GTF3C1: variants seen among roughly 807,000 people sequenced by gnomAD.
GTF3C1 encodes the protein general transcription factor 3C polypeptide 1.
A neutral mutation model predicts 226.7 loss-of-function variants in GTF3C1; 57 were observed. That is an observed-to-expected ratio of 0.25 (90% CI 0.20 to 0.31). The LOEUF (loss-of-function observed/expected upper bound fraction) is 0.31, where lower values mean the gene tolerates loss of function less well. GTF3C1 is among the 10% of genes least tolerant of loss of function. GTF3C1 has a pLI of 1.00. For missense variants in GTF3C1, 2,217 were observed against 2,776.1 expected (o/e 0.80, Z 4.53); for synonymous variants, 1,090 against 1,084.8 (o/e 1.00, Z -0.09).
intron 6 of GTF3C1, among the ~76,000 whole-genome samples, chr16:27,520,880 A>G (rs1015886224): frequency 8.6e-5 from 13 of 151,946 alleles, no homozygotes; most frequent in Non-Finnish European, 1.6e-4. Flanking sequence ...CACCATGCCC[A>G]ACTAATTTTT....
intron 6 of GTF3C1, among the ~76,000 whole-genome samples, chr16:27,520,421 G>C (rs933571895): frequency 2.0e-5 from 3 of 151,266 alleles, no homozygotes; most frequent in Non-Finnish European, 4.4e-5. Flanking sequence ...AGCCAGCCTT[G>C]CCTGGAATGT....
At chr16:27,488,959 T>G in intron 21 of GTF3C1, 84 bp downstream of exon 21, 3 of 1,279,642 alleles carry the variant, frequency 2.3e-6, no homozygotes, top group Non-Finnish European at 3.4e-6. Flanking sequence ...AAGCCAGTAT[T>G]TGTGTCTCTG....
intron 13 of GTF3C1, 148 bp from the exon 14 acceptor site, chr16:27,497,969 CAAA>C: frequency 1.6e-6 from 1 of 638,806 alleles, no homozygotes. Context: ...ATGATGCAAA[CAAA>C]ATGTCAGGTC....
At chr16:27,541,215 T>C (rs568916242) in intron 2 of GTF3C1, among the ~76,000 whole-genome samples, 1 of 152,286 alleles carries the variant, frequency 6.6e-6, no homozygotes, top group South Asian at 2.1e-4. Context: ...AGCTGCACGG[T>C]TACAGAGGCA....
intron 27 of GTF3C1, among the ~76,000 whole-genome samples, chr16:27,480,480 A>C (rs1319577821): frequency 1.3e-5 from 2 of 152,190 alleles, no homozygotes; most frequent in East Asian, 3.9e-4. Flanking sequence ...CTTCAACTGA[A>C]ATGTTGAGAG....
chr16:27,474,820 A>G (rs544771992), intron 29 of GTF3C1, among the ~76,000 whole-genome samples: 85 of 152,342 alleles, frequency 5.6e-4, no homozygotes, highest in African/African-American at 1.9e-3. Context: ...GCAGGAGGAA[A>G]TAAAACACAG....
chr16:27,498,016 G>A (rs927514752), intron 13 of GTF3C1, among the ~76,000 whole-genome samples, 195 bp from the exon 14 acceptor site: 2 of 152,158 alleles, frequency 1.3e-5, no homozygotes, highest in African/African-American at 4.8e-5. Flanking sequence ...GGATTGTGGG[G>A]CCCTGAAGAG....
intron 6 of GTF3C1, among the ~76,000 whole-genome samples, chr16:27,522,700 C>A (rs1349099470): frequency 6.6e-6 from 1 of 152,164 alleles, no homozygotes; most frequent in Non-Finnish European, 1.5e-5. Context: ...GGAGTATCAC[C>A]TTCTTAATAC....
In GTF3C1 at chr16:27,505,941, A is replaced by G. The variant is rs367640812; in HGVS notation, c.1728T>C (p.Gly576=). The change falls in exon 10 of 37, where the codon GGT becomes GGC. Residue 576 remains glycine (G), a synonymous_variant. Transcript: ENST00000356183. ...FVSHCADSNS[G]DIAVIEEVRM... ...GGACCTCCTCGATCACAGCTATGTC[A>G]CCACTGTTGCTGTCCGCACAGTGGG... The G allele has an allele frequency of 6.8e-6, 11 of 1,612,398 alleles. No homozygotes were observed. The African/African-American group carries it at 1.1e-4, about 16-fold the overall frequency.
Position 27,476,549 on chromosome 16 carries a change from AAG to A in GTF3C1, c.4260-7_4260-6del. ...AGAAAGTGGATGTCATCCACGCTGA[AAG>A]AGAGGGGGCAGCAGGGCACCATGAG... is the stretch of plus-strand genomic sequence containing the variant. On this transcript the variant is annotated splice_region_variant and splice_polypyrimidine_tract_variant and intron_variant, in intron 28 of 36. Coordinates refer to ENST00000356183, the MANE Select transcript of GTF3C1 (RefSeq NM_001520.4). 6.4e-7 allele frequency: 1 copy of A among 1,562,998 alleles called. No individual in the cohort carries two copies. The highest frequency in any genetic ancestry group is 1.1e-5 in the South Asian group (1 of 89,780).
chr16:27,461,302 G>A lies in GTF3C1; in HGVS notation c.*48C>T. ...GGGGTCTGCCGAGCACCAGGCAGGA[G>A]TGGTGTGGCAGGCGGTGGCTGGGAG... On this transcript the variant is annotated 3_prime_UTR_variant, in exon 37 of 37. Coordinates refer to ENST00000356183, the MANE Select transcript of GTF3C1 (RefSeq NM_001520.4). The surrounding 1 kb of genome is among the most constrained non-coding windows in gnomAD (Gnocchi z 5.3). 2 of 1,232,248 alleles carry A rather than the reference G, an allele frequency of 1.6e-6. No individual in the cohort carries two copies. Among genetic ancestry groups the A allele is most frequent in the Non-Finnish European group, 2.4e-6 (2 of 850,528 alleles). 76.3% of individuals were successfully genotyped at this position (1,232,248 alleles called of 1,614,324 possible). A position where few individuals can be genotyped will look rare whatever the true frequency, so the allele number is the denominator to read the frequency against.
At chr16:27,505,700 T>C (rs893938062) in intron 10 of GTF3C1, among the ~76,000 whole-genome samples, 199 bp downstream of exon 10, 5 of 152,206 alleles carry the variant, frequency 3.3e-5, no homozygotes, top group Non-Finnish European at 5.9e-5. Context: ...ATGCAGACAA[T>C]CTCTGCGTAG....
chr16:27,482,557 C>G, intron 26 of GTF3C1: 1 of 456,122 alleles, frequency 2.2e-6, no homozygotes, highest in South Asian at 1.5e-5. Flanking sequence ...GTCCACTGGC[C>G]TCACTTGGCA....
intron 6 of GTF3C1, among the ~76,000 whole-genome samples, chr16:27,524,892 G>A (rs1194675946): frequency 4.6e-5 from 7 of 152,224 alleles, no homozygotes; most frequent in African/African-American, 1.2e-4. Context: ...AGTGGCTCAC[G>A]CCTGTAATCC....
In GTF3C1 at chr16:27,503,066, G is replaced by A. The variant is rs1051644004; in HGVS notation, c.1771-71C>T. 4 of 1,159,084 alleles carry A rather than the reference G, an allele frequency of 3.5e-6. No homozygotes were observed. The African/African-American group carries it at 6.1e-5, about 18-fold the overall frequency. 71.8% of individuals were successfully genotyped at this position (1,159,084 alleles called of 1,614,324 possible). A position where few individuals can be genotyped will look rare whatever the true frequency, so the allele number is the denominator to read the frequency against. On this transcript the variant is annotated intron_variant, in intron 10 of 36. Transcript: ENST00000356183. ...CTTGGGGGCCACGCACCACACCTGTGGGTGCACTGGCCCTCTTCAAGAAAC... is the reference window on the plus strand; with the variant it reads ...CTTGGGGGCCACGCACCACACCTGTAGGTGCACTGGCCCTCTTCAAGAAAC...
chr16:27,483,105 T>C lies in GTF3C1; in HGVS notation c.4022A>G (p.Tyr1341Cys). Residue 1341 changes from tyrosine to cysteine, a missense_variant, in exon 26 of 37, where the codon TAC (tyrosine) becomes TGC (cysteine). Tyr to Cys is a radical substitution (Grantham distance 194, BLOSUM62 -2). Coordinates refer to ENST00000356183, the MANE Select transcript of GTF3C1 (RefSeq NM_001520.4). The stretch of plus-strand genomic sequence containing the variant: ...ATCTCCAACAAGTGCTTTATCCTGG[T>C]ACACCTCGGCCAGGCACACTCTGCA... Reference protein sequence around the residue: ...LNYKVCLAEVYQDKALVGDFM... With the variant: ...LNYKVCLAEVCQDKALVGDFM... 1 of 1,614,144 alleles carries C rather than the reference T, an allele frequency of 6.2e-7. No homozygotes were observed. The highest frequency in any genetic ancestry group is 8.5e-7 in the Non-Finnish European group (1 of 1,179,990).
chr16:27,537,806 G>A lies in GTF3C1; in HGVS notation c.730C>T (p.Leu244=), dbSNP rs200134853. The change falls in exon 4 of 37, where the codon CTG becomes TTG. Residue 244 remains leucine, a synonymous_variant. Coordinates refer to ENST00000356183, the MANE Select transcript of GTF3C1 (RefSeq NM_001520.4). ...GAQQHSILLL[L]NRFHVDRRSK... ...TACCTGTCCACATGAAACCGGTTCA[G>A]TAGGAGGAGGATTGAGTGTTGCTGG... 3 of 1,612,160 alleles carry A rather than the reference G, an allele frequency of 1.9e-6. No individual in the cohort carries two copies. Among genetic ancestry groups the A allele is most frequent in the Admixed American group, 1.7e-5 (1 of 59,954 alleles).
rs541997388 is a variant in GTF3C1, at chr16:27,472,877, T to C, written c.4354-957A>G. 3.3e-5 allele frequency among the ~76,000 whole-genome samples: 5 copies of C among 152,320 alleles called. No individual in the cohort carries two copies. The East Asian group carries it at 9.7e-4, about 29-fold the overall frequency. ...ATAGCAGCCACCTGAAACAATCTCA[T>C]TTGCTTACTCATTGTTTGGAAGTCC... On this transcript the variant is annotated intron_variant, in intron 29 of 36. Transcript: ENST00000356183.
At chr16:27,549,611 C>T in intron 1 of GTF3C1, 59 bp downstream of exon 1, 1 of 825,458 alleles carries the variant, frequency 1.2e-6, no homozygotes, top group East Asian at 2.7e-5. Context: ...CCCCCAGCTC[C>T]ATCAGCCCCC....
Sources: gnomAD v4.1 joint callset for allele counts (sites outside exome capture counted in the v4.1 genomes callset) on GRCh38, gnomAD v4.1.1 for gene constraint, Gnocchi (gnomAD v3.1) non-coding constraint, MANE v1.5 for transcripts, NCBI Gene and HGNC (gene_info 2026-07-23, HGNC 2026-07-21) for gene names.